The following ATP13A4 variants were observed in gnomAD, a reference collection of about 807,000 sequenced individuals.
The protein encoded by ATP13A4 is ATPase 13A4.
Under a neutral mutation model 142.5 loss-of-function variants are expected in ATP13A4, and 114 were observed. The observed-to-expected ratio is 0.80, with a 90% confidence interval of 0.69 to 0.93. ATP13A4 has a LOEUF of 0.93. Among genes scored for constraint, ATP13A4 ranks in the 40% least tolerant of loss-of-function variants. The probability of loss-of-function intolerance (pLI) is 0.00; values close to 1 mark genes in which losing one functional copy is unlikely to be tolerated. For synonymous variants in ATP13A4, 488 were observed against 514.8 expected (o/e 0.95, Z 0.70); for missense variants, 1,392 against 1,454.0 (o/e 0.96, Z 0.69).
intron 1 of ATP13A4, among the ~76,000 whole-genome samples, chr3:193,533,514 C>T (rs1334598878): frequency 6.6e-6 from 1 of 151,992 alleles, no homozygotes; most frequent in African/African-American, 2.4e-5. Context: ...TTTCATATAT[C>T]CCAGGATTAG....
intron 8 of ATP13A4, among the ~76,000 whole-genome samples, chr3:193,478,014 G>T (rs911792461): frequency 4.6e-5 from 7 of 152,082 alleles, no homozygotes; most frequent in African/African-American, 1.7e-4. Flanking sequence ...GCAAAACACT[G>T]CCAAAGAAAT....
At chr3:193,501,640 T>C (rs932292471) in intron 3 of ATP13A4, among the ~76,000 whole-genome samples, 19 of 151,128 alleles carry the variant, frequency 1.3e-4, no homozygotes, top group African/African-American at 4.6e-4. Context: ...ATAGGAAAAT[T>C]GCTCATAATT....
intron 1 of ATP13A4, chr3:193,581,993 G>A (rs1300181786): frequency 6.6e-6 from 1 of 151,744 alleles, no homozygotes; most frequent in African/African-American, 2.4e-5. Flanking sequence ...TGCTGACAAT[G>A]GGGTCACATG....
chr3:193,411,056 C>G lies in ATP13A4; in HGVS notation c.3223G>C (p.Val1075Leu), dbSNP rs959040143. ...CATACACCAAGCTGTATTATCAGCA[C>G]AAGGACAAATATATCTGAGGAAATA... ...PTYTNYIFVLVLIIQLGVCLF... is the reference protein window; with the variant it reads ...PTYTNYIFVLLLIIQLGVCLF... The change falls in exon 28 of 30, where the codon GTG becomes CTG. Residue 1075 changes from valine (V) to leucine (L), a missense_variant. By Grantham distance (32) the Val-to-Leu change is conservative. Transcript: ENST00000342695. 7 of 1,608,398 alleles carry G rather than the reference C, an allele frequency of 4.4e-6. No individual in the cohort carries two copies. In the Admixed American group the frequency reaches 1.0e-4, roughly 23 times the overall value.
chr3:193,447,201 A>G (rs1168654922), intron 18 of ATP13A4, among the ~76,000 whole-genome samples: 1 of 152,224 alleles, frequency 6.6e-6, no homozygotes, highest in Non-Finnish European at 1.5e-5. Flanking sequence ...TGCTAAATAA[A>G]GATTTTTGAA....
chr3:193,556,509 G>A (rs281813), upstream of ATP13A4, among the ~76,000 whole-genome samples: 75,263 of 151,158 alleles, frequency 0.5, 18,815 homozygotes, highest in South Asian at 0.6. Context: ...GTGTGTGTGT[G>A]TATATATATA....
chr3:193,556,521 G>A (rs900562060), upstream of ATP13A4, among the ~76,000 whole-genome samples: 7 of 149,526 alleles, frequency 4.7e-5, no homozygotes, highest in Non-Finnish European at 1.0e-4. Flanking sequence ...ATATATATAT[G>A]TAGTTCTCTT....
rs1441539707 is a variant in ATP13A4, at chr3:193,500,527, T to C, written c.381+1966A>G. 5.9e-5 allele frequency among the ~76,000 whole-genome samples: 9 copies of C among 152,152 alleles called. 1 individual carries two copies. The highest frequency in any genetic ancestry group is 5.9e-4 in the Admixed American group (9 of 15,286). On this transcript the variant is annotated intron_variant, in intron 3 of 29. Coordinates refer to ENST00000342695, the MANE Select transcript of ATP13A4 (RefSeq NM_032279.4). The stretch of plus-strand genomic sequence containing the variant: ...ATGGTTTCGGATCATCAGGCAATCA[T>C]TAGATTCTCATAAGGAGCACCGTAA...
At chr3:193,408,905 C>G (rs998701906) in intron 28 of ATP13A4, among the ~76,000 whole-genome samples, 18 of 152,178 alleles carry the variant, frequency 1.2e-4, no homozygotes, top group African/African-American at 4.3e-4. Context: ...AAATCTCTTG[C>G]ATAACTAAAC....
intron 21 of ATP13A4, among the ~76,000 whole-genome samples, chr3:193,439,802 G>A (rs560941585): frequency 1.4e-4 from 22 of 152,258 alleles, no homozygotes; most frequent in African/African-American, 4.1e-4. Context: ...GAGGGAACTC[G>A]TTGACTCTCT....
chr3:193,563,893 G>A (rs2108737946), intron 2 of ATP13A4, among the ~76,000 whole-genome samples: 1 of 152,252 alleles, frequency 6.6e-6, no homozygotes, highest in African/African-American at 2.4e-5. Context: ...GGCAACCCCT[G>A]CTGTTCAAAA....
Position 193,483,960 on chromosome 3 carries a change from T to C in ATP13A4, c.784A>G (p.Thr262Ala), listed in dbSNP as rs1329450400. 8.1e-6 allele frequency: 13 copies of C among 1,608,370 alleles called. No individual in the cohort carries two copies. Among genetic ancestry groups the C allele is most frequent in the Non-Finnish European group, 9.4e-6 (11 of 1,175,008 alleles). ...CCTTTTCTCCCACATACAGAGACCG[T>C]AATGCTATTATGTGACTCGACGAGA... ...HHLVESHNSI[T>A]VSVCGRKAGV... The change falls in exon 8 of 30, where the codon ACG becomes GCG. Residue 262 changes from threonine to alanine, a missense_variant. Physicochemically the swap from Thr to Ala is moderately conservative, Grantham distance 58 (BLOSUM62 0). Transcript: ENST00000342695.
At chr3:193,589,532 T>C (rs1226607055) in intron 1 of ATP13A4, among the ~76,000 whole-genome samples, 27 of 152,188 alleles carry the variant, frequency 1.8e-4, no homozygotes, top group Admixed American at 1.8e-3. Flanking sequence ...AAATTTCTGA[T>C]TCGTTGGATA....
chr3:193,469,816 C>CA (rs760924906), intron 9 of ATP13A4, among the ~76,000 whole-genome samples: 1 of 152,084 alleles, frequency 6.6e-6, no homozygotes, highest in Admixed American at 6.6e-5. Context: ...ATGGTCTCTG[C>CA]AGAGTGGTCA....
At chr3:193,471,903 A>G (rs912347460) in intron 8 of ATP13A4, among the ~76,000 whole-genome samples, 1 of 152,100 alleles carries the variant, frequency 6.6e-6, no homozygotes. Flanking sequence ...GCTCTGGGGT[A>G]TTGGATCCTA....
chr3:193,559,594 T>C (rs1201945334), upstream of ATP13A4, among the ~76,000 whole-genome samples: 1 of 152,148 alleles, frequency 6.6e-6, no homozygotes. Context: ...GTAAAACATT[T>C]AGCAACCCTT....
chr3:193,493,838 T>G (rs1720078936), intron 3 of ATP13A4, among the ~76,000 whole-genome samples: 1 of 152,046 alleles, frequency 6.6e-6, no homozygotes, highest in South Asian at 2.1e-4. Flanking sequence ...TGAAAAGCAG[T>G]GCCCAGTCAT....
chr3:193,502,171 G>A (rs1720585848), intron 3 of ATP13A4, among the ~76,000 whole-genome samples: 1 of 152,186 alleles, frequency 6.6e-6, no homozygotes, highest in Non-Finnish European at 1.5e-5. Context: ...GAGCGAGTAT[G>A]TATTGAGCAT....
At chr3:193,583,124 T>C (rs1202163788) in intron 1 of ATP13A4, among the ~76,000 whole-genome samples, 1 of 151,458 alleles carries the variant, frequency 6.6e-6, no homozygotes, top group Non-Finnish European at 1.5e-5. Flanking sequence ...GGTCAATACG[T>C]ACTTTACTAC....
Sources: allele counts gnomAD v4.1 joint callset (sites outside exome capture counted in the v4.1 genomes callset), GRCh38; gene constraint gnomAD v4.1.1; transcripts MANE v1.5; gene names NCBI Gene and HGNC (gene_info 2026-07-23, HGNC 2026-07-21).